DNER: variants seen among roughly 807,000 people sequenced by gnomAD.
The protein encoded by DNER is delta/notch like EGF repeat containing, also known as delta and Notch-like epidermal growth factor-related receptor.
A neutral mutation model predicts 78.2 loss-of-function variants in DNER; 33 were observed. The observed-to-expected ratio is 0.42, with a 90% CI of 0.32 to 0.56. The LOEUF (loss-of-function observed/expected upper bound fraction) is 0.56, where lower values mean the gene tolerates loss of function less well. Ranked by LOEUF, DNER falls within the 20% of genes least tolerant of loss-of-function variation. The probability of loss-of-function intolerance (pLI) is 0.11; values close to 1 mark genes in which losing one functional copy is unlikely to be tolerated. For missense variants in DNER, 918 were observed against 975.3 expected (o/e 0.94, Z 0.78); for synonymous variants, 417 against 384.8 (o/e 1.08, Z -0.98).
At chr2:229,557,505 C>T (rs1452372717) in intron 4 of DNER, among the ~76,000 whole-genome samples, 1 of 152,160 alleles carries the variant, frequency 6.6e-6, no homozygotes, top group Non-Finnish European at 1.5e-5. Context: ...TTGTCAACAC[C>T]TGCATTCCCA....
At chr2:229,449,172 A>G (rs1468445242) in intron 7 of DNER, among the ~76,000 whole-genome samples, 1 of 152,216 alleles carries the variant, frequency 6.6e-6, no homozygotes, top group African/African-American at 2.4e-5. Flanking sequence ...TGAATTCTCC[A>G]AAAAGTTTCT....
rs189687984 is a variant in DNER at position 229,649,024 on chromosome 2, C to T, written c.277-57136G>A. On this transcript the variant is annotated intron_variant, in intron 1 of 12. Coordinates refer to ENST00000341772, the MANE Select transcript of DNER (RefSeq NM_139072.4). ...CCAAAATCCATGAATGAAGCATATGCTGTCCTGAAGTCACTACATTTAACA... is the reference window on the plus strand; with the variant it reads ...CCAAAATCCATGAATGAAGCATATGTTGTCCTGAAGTCACTACATTTAACA... Among the ~76,000 whole-genome samples, 397 of 152,342 alleles carry T rather than the reference C, an allele frequency of 2.6e-3. 3 individuals carry two copies. Among genetic ancestry groups the T allele is most frequent in the Middle Eastern group, 6.8e-3 (2 of 294 alleles).
At chr2:229,388,592 A>G (rs1365684497) in intron 10 of DNER, among the ~76,000 whole-genome samples, 196 bp from the exon 11 acceptor site, 1 of 58,004 alleles carries the variant, frequency 1.7e-5, no homozygotes, top group Non-Finnish European at 3.9e-5. Context: ...CTAAAAAGGA[A>G]ATATATATAT....
intron 4 of DNER, among the ~76,000 whole-genome samples, chr2:229,556,523 G>C (rs937138200): frequency 2.6e-5 from 4 of 152,142 alleles, no homozygotes; most frequent in Non-Finnish European, 5.9e-5. Flanking sequence ...TGAGTGATGC[G>C]TTTTATTATT....
chr2:229,480,586 T>A (rs1273519603), intron 6 of DNER, among the ~76,000 whole-genome samples: 1 of 152,228 alleles, frequency 6.6e-6, no homozygotes, highest in East Asian at 1.9e-4. Context: ...CAATACCGTA[T>A]GCAAGTTCGG....
At chr2:229,667,956 G>C (rs573296958) in intron 1 of DNER, among the ~76,000 whole-genome samples, 1 of 152,144 alleles carries the variant, frequency 6.6e-6, no homozygotes, top group African/African-American at 2.4e-5. Flanking sequence ...TGGAGATTTC[G>C]GGGCAGTGAC....
At chr2:229,640,050 C>T (rs1380655083) in intron 1 of DNER, among the ~76,000 whole-genome samples, 3 of 152,168 alleles carry the variant, frequency 2.0e-5, no homozygotes, top group Non-Finnish European at 4.4e-5. Context: ...CTCCCATAGC[C>T]CCAAATACTG....
At chr2:229,693,016 T>C (rs1288940052) in intron 1 of DNER, among the ~76,000 whole-genome samples, 1 of 152,060 alleles carries the variant, frequency 6.6e-6, no homozygotes, top group Non-Finnish European at 1.5e-5. Context: ...CATTCCAGTC[T>C]GATATGGTTT....
At position 229,514,263 on chromosome 2, in the gene DNER, G is replaced by A. The variant is rs147990362; in HGVS notation, c.994-1327C>T. Among the ~76,000 whole-genome samples, 7 of 152,178 alleles carry A rather than the reference G, an allele frequency of 4.6e-5. No homozygotes were observed. In the East Asian group the frequency reaches 9.6e-4, roughly 21 times the overall value. ...TTATCACACTGAGCTTTTAGTACACGTCAGAGTTTTTAGTTGATTTCCAGG... is the reference window on the plus strand; with the variant it reads ...TTATCACACTGAGCTTTTAGTACACATCAGAGTTTTTAGTTGATTTCCAGG... On this transcript the variant is annotated intron_variant, in intron 5 of 12. Transcript: ENST00000341772.
At chr2:229,709,725 T>C (rs939727285) in intron 1 of DNER, among the ~76,000 whole-genome samples, 2 of 152,202 alleles carry the variant, frequency 1.3e-5, no homozygotes, top group Non-Finnish European at 2.9e-5. Flanking sequence ...TAACACATTG[T>C]TATTATAATC....
chr2:229,699,151 T>C (rs1462574749), intron 1 of DNER, among the ~76,000 whole-genome samples: 1 of 152,162 alleles, frequency 6.6e-6, no homozygotes, highest in East Asian at 1.9e-4. Context: ...GCCATTAAAA[T>C]TAACTTGGTG....
intron 8 of DNER, among the ~76,000 whole-genome samples, chr2:229,426,314 G>A (rs1693876543): frequency 6.6e-6 from 1 of 151,886 alleles, no homozygotes; most frequent in Non-Finnish European, 1.5e-5. Context: ...GGTGGCGGGT[G>A]CCTGTAGTCC....
chr2:229,648,680 A>G (rs1049838852), intron 1 of DNER, among the ~76,000 whole-genome samples: 1 of 152,316 alleles, frequency 6.6e-6, no homozygotes, highest in East Asian at 1.9e-4. Flanking sequence ...TTGCACTGGA[A>G]CTTCTCAGCA....
chr2:229,588,198 C>T (rs1191636179), intron 3 of DNER, among the ~76,000 whole-genome samples, 196 bp downstream of exon 3: 1 of 152,172 alleles, frequency 6.6e-6, no homozygotes, highest in Non-Finnish European at 1.5e-5. Context: ...ACTTGTCCAG[C>T]CTGAAAACCC....
At chr2:229,473,513 C>A (rs758702313) in intron 7 of DNER, among the ~76,000 whole-genome samples, 1 of 152,076 alleles carries the variant, frequency 6.6e-6, no homozygotes, top group African/African-American at 2.4e-5. Flanking sequence ...TGTGTGCTTC[C>A]TAGCATACAA....
At chr2:229,626,086 A>AT in intron 1 of DNER, among the ~76,000 whole-genome samples, 1 of 152,036 alleles carries the variant, frequency 6.6e-6, no homozygotes, top group East Asian at 1.9e-4. Flanking sequence ...TGCCTGGCTA[A>AT]TTTTTTGTAT....
At chr2:229,492,462 TCA>T (rs1004923770) in intron 6 of DNER, among the ~76,000 whole-genome samples, 6 of 152,148 alleles carry the variant, frequency 3.9e-5, no homozygotes, top group African/African-American at 1.2e-4. Flanking sequence ...AACAGAAAAT[TCA>T]CAGACCATTA....
chr2:229,711,222 C>T (rs570368747), intron 1 of DNER, among the ~76,000 whole-genome samples: 2 of 152,132 alleles, frequency 1.3e-5, no homozygotes, highest in Admixed American at 1.3e-4. Flanking sequence ...GGAGGGAACC[C>T]CTGGGCTTTC....
intron 5 of DNER, among the ~76,000 whole-genome samples, chr2:229,525,259 C>T (rs1696186869): frequency 1.3e-5 from 2 of 152,204 alleles, no homozygotes; most frequent in Non-Finnish European, 2.9e-5. Flanking sequence ...CATCAACTTT[C>T]CTCTTAGTAG....
Sources: allele counts gnomAD v4.1 joint callset (sites outside exome capture counted in the v4.1 genomes callset), GRCh38; gene constraint gnomAD v4.1.1; transcripts MANE v1.5; gene names NCBI Gene and HGNC (gene_info 2026-07-23, HGNC 2026-07-21).